Variants in MERTK observed in about 807,000 individuals in gnomAD.
The protein encoded by MERTK is MER proto-oncogene, tyrosine kinase, also known as tyrosine-protein kinase Mer.
In MERTK, 69 loss-of-function variants were observed where a neutral mutation model predicts 99.3. The observed-to-expected ratio is 0.70, with a 90% CI of 0.57 to 0.85. The LOEUF is 0.85. Ranked by LOEUF, MERTK falls within the 40% of genes least tolerant of loss-of-function variation. The pLI is 0.00. For synonymous variants in MERTK, 426 were observed against 467.6 expected (o/e 0.91, Z 1.15); for missense variants, 1,125 against 1,249.4 (o/e 0.90, Z 1.50).
At chr2:111,941,414 C>T (rs557825602) in intron 2 of MERTK, among the ~76,000 whole-genome samples, 40 of 152,284 alleles carry the variant, frequency 2.6e-4, no homozygotes, top group African/African-American at 8.4e-4. Flanking sequence ...GCCGGGGGCC[C>T]GGTTAGGAAA....
chr2:111,920,019 A>C (rs1236863452), intron 1 of MERTK, among the ~76,000 whole-genome samples: 5 of 151,978 alleles, frequency 3.3e-5, no homozygotes, highest in Non-Finnish European at 7.4e-5. Context: ...CCCAAGAAGC[A>C]GCCTGTGGGA....
At chr2:111,898,932 G>A in intron 1 of MERTK, 136 bp downstream of exon 1, 2 of 938,350 alleles carry the variant, frequency 2.1e-6, no homozygotes, top group African/African-American at 1.7e-5. Flanking sequence ...CACCCACTGC[G>A]GTGCCAGAGG....
intron 6 of MERTK, among the ~76,000 whole-genome samples, chr2:111,970,092 C>G (rs1676072407): frequency 6.6e-6 from 1 of 151,958 alleles, no homozygotes; most frequent in Admixed American, 6.6e-5. Context: ...TCTACAATTC[C>G]TCACCAGGAA....
At chr2:111,918,522 C>T (rs1263113226) in intron 1 of MERTK, among the ~76,000 whole-genome samples, 1 of 152,170 alleles carries the variant, frequency 6.6e-6, no homozygotes, top group Non-Finnish European at 1.5e-5. Flanking sequence ...CCTGGCCAGA[C>T]AGTATTGCCT....
chr2:112,025,170 T>C (rs1178933958), intron 18 of MERTK, among the ~76,000 whole-genome samples: 1 of 152,170 alleles, frequency 6.6e-6, no homozygotes, highest in Admixed American at 6.5e-5. Context: ...TGAGTGTGAC[T>C]GCATCTCTTC....
At chr2:111,908,631 C>T (rs1684185720) in intron 1 of MERTK, among the ~76,000 whole-genome samples, 1 of 152,122 alleles carries the variant, frequency 6.6e-6, no homozygotes, top group Non-Finnish European at 1.5e-5. Flanking sequence ...TAACAGAAAA[C>T]CTTACTTCAG....
chr2:111,947,303 TGCCAAGTTCTA>T, intron 3 of MERTK, 80 bp from the exon 4 acceptor site: 2 of 1,180,780 alleles, frequency 1.7e-6, no homozygotes, highest in Non-Finnish European at 2.5e-6. Context: ...AGAAATCTAT[TGCCAAGTTCTA>T]GTCCAGTTTC....
chr2:111,929,058 G>A, intron 1 of MERTK, 62 bp from the exon 2 acceptor site: 1 of 1,593,874 alleles, frequency 6.3e-7, no homozygotes, highest in Non-Finnish European at 8.6e-7. Flanking sequence ...TAAGAAGTTG[G>A]GAACCTACTT....
chr2:112,013,083 A>G (rs1005414664), intron 15 of MERTK, among the ~76,000 whole-genome samples: 3 of 151,904 alleles, frequency 2.0e-5, no homozygotes, highest in Admixed American at 1.3e-4. Flanking sequence ...TTAAGTGATC[A>G]GGACAGGAGA....
Position 112,029,376 on chromosome 2 carries a change from T to C in MERTK, c.*512T>C. On this transcript the variant is annotated 3_prime_UTR_variant, in exon 19 of 19. Transcript: ENST00000295408. ...AAAATATGAATAAGGAAGGATATGT[T>C]GAACTTACTTGAGACTTGAAAGACA... 2.0e-5 allele frequency: 19 copies of C among 933,522 alleles called. No individual in the cohort carries two copies. The South Asian group carries it at 2.5e-4, about 12-fold the overall frequency. The allele number at this position is 933,522 out of a possible 1,614,324, so 57.8% of individuals were successfully genotyped here.
chr2:111,934,909 C>T (rs1002736512), intron 2 of MERTK, among the ~76,000 whole-genome samples: 2 of 152,104 alleles, frequency 1.3e-5, no homozygotes, highest in Non-Finnish European at 2.9e-5. Context: ...TAAAACAGCA[C>T]CTGTCCTAGT....
At chr2:111,927,540 C>T (rs1484890371) in intron 1 of MERTK, among the ~76,000 whole-genome samples, 1 of 152,146 alleles carries the variant, frequency 6.6e-6, no homozygotes, top group Non-Finnish European at 1.5e-5. Flanking sequence ...GACATGGTAG[C>T]ACGAGCCTAT....
intron 16 of MERTK, 142 bp from the exon 17 acceptor site, chr2:112,021,280 C>CA: frequency 8.3e-7 from 1 of 1,211,832 alleles, no homozygotes; most frequent in Non-Finnish European, 1.2e-6. Flanking sequence ...CCATTGGTCC[C>CA]AATGCAGCAT....
intron 13 of MERTK, among the ~76,000 whole-genome samples, chr2:112,004,644 G>A (rs149647041): frequency 6.6e-6 from 1 of 152,190 alleles, no homozygotes; most frequent in Non-Finnish European, 1.5e-5. Flanking sequence ...GGGCACGGTG[G>A]CTCACGCCTG....
chr2:111,972,641 T>G (rs1347579548), intron 6 of MERTK, among the ~76,000 whole-genome samples: 1 of 152,158 alleles, frequency 6.6e-6, no homozygotes, highest in Admixed American at 6.5e-5. Context: ...TTGTCCCCCT[T>G]GGCTAGCTCA....
chr2:111,995,801 A>G (rs1045769120), intron 9 of MERTK, among the ~76,000 whole-genome samples: 1 of 152,128 alleles, frequency 6.6e-6, no homozygotes, highest in Non-Finnish European at 1.5e-5. Context: ...AATAACGACA[A>G]CAACAAAAAT....
chr2:111,955,859 G>T (rs951218417), intron 4 of MERTK, among the ~76,000 whole-genome samples: 5 of 152,004 alleles, frequency 3.3e-5, no homozygotes, highest in African/African-American at 1.2e-4. Context: ...GTTCAATGGT[G>T]GAGTGCTTTA....
chr2:111,917,770 A>T (rs763663873), intron 1 of MERTK, among the ~76,000 whole-genome samples: 6 of 152,010 alleles, frequency 3.9e-5, no homozygotes, highest in Non-Finnish European at 8.8e-5. Flanking sequence ...CTGTAGTCCC[A>T]GCTACTCCGG....
intron 4 of MERTK, among the ~76,000 whole-genome samples, chr2:111,950,040 C>T (rs1009620556): frequency 2.0e-5 from 3 of 152,106 alleles, no homozygotes; most frequent in Non-Finnish European, 2.9e-5. Context: ...TGGGTTCAAG[C>T]GATTCTCCTG....
Sources: gnomAD v4.1 joint callset for allele counts (sites outside exome capture counted in the v4.1 genomes callset) on GRCh38, gnomAD v4.1.1 for gene constraint, MANE v1.5 for transcripts, NCBI Gene and HGNC (gene_info 2026-07-23, HGNC 2026-07-21) for gene names.